BMP5: variants seen among roughly 807,000 people sequenced by gnomAD.
BMP5 encodes bone morphogenetic protein 5.
A neutral mutation model predicts 46.6 loss-of-function variants in BMP5; 23 were observed. The observed-to-expected ratio is 0.49, with a 90% CI of 0.35 to 0.70. The LOEUF (loss-of-function observed/expected upper bound fraction) is 0.70, where lower values mean the gene tolerates loss of function less well. Ranked by LOEUF, BMP5 falls within the 30% of genes least tolerant of loss-of-function variation. The pLI is 0.00. For synonymous variants in BMP5, 204 were observed against 191.9 expected, an observed-to-expected ratio of 1.06 and a Z score of -0.52; for missense variants, 545 against 565.6, an observed-to-expected ratio of 0.96 and a Z score of 0.37.
At chr6:55,773,937 T>C (rs188446589) in intron 4 of BMP5, 112 bp downstream of exon 4, 3 of 1,165,248 alleles carry the variant, frequency 2.6e-6, no homozygotes, top group Non-Finnish European at 3.9e-6. Flanking sequence ...CTGGAAGATT[T>C]AATGTACCAT....
intron 1 of BMP5, among the ~76,000 whole-genome samples, chr6:55,873,694 G>A (rs762276962): frequency 5.9e-5 from 9 of 151,802 alleles, no homozygotes; most frequent in Non-Finnish European, 4.4e-5. Context: ...GGAAAATTTT[G>A]TATAGATAAA....
intron 6 of BMP5, among the ~76,000 whole-genome samples, chr6:55,756,305 T>G (rs1774596394): frequency 6.6e-6 from 1 of 151,940 alleles, no homozygotes; most frequent in African/African-American, 2.4e-5. Context: ...TTTTTCTCCC[T>G]TGCCTGCCCC....
In BMP5 at chr6:55,796,548, G is replaced by A. The variant is rs1026516846; in HGVS notation, c.684-2121C>T. On this transcript the variant is annotated intron_variant, in intron 2 of 6. Transcript: ENST00000370830. Reference sequence around the variant, plus strand: ...AAGTTTTAGGGTCCATGTGCACAATGTGCAGGTTAGTTACATATGTATATA... The same window carrying A: ...AAGTTTTAGGGTCCATGTGCACAATATGCAGGTTAGTTACATATGTATATA... Among the ~76,000 whole-genome samples, 9 of 150,752 alleles carry A rather than the reference G, an allele frequency of 6.0e-5. 1 individual carries two copies. Among genetic ancestry groups the A allele is most frequent in the African/African-American group, 2.2e-4 (9 of 40,950 alleles).
intron 4 of BMP5, chr6:55,772,614 A>T: frequency 3.0e-6 from 1 of 327,874 alleles, no homozygotes; most frequent in Non-Finnish European, 4.4e-6. Context: ...CTTTCATATT[A>T]AGTAATTACA....
intron 4 of BMP5, among the ~76,000 whole-genome samples, chr6:55,765,354 G>A (rs936874693): frequency 6.6e-6 from 1 of 152,074 alleles, no homozygotes; most frequent in Admixed American, 6.5e-5. Context: ...GCTTCAATGA[G>A]CTAAATATGA....
intron 1 of BMP5, among the ~76,000 whole-genome samples, chr6:55,843,605 A>G (rs1777020009): frequency 1.3e-5 from 2 of 152,114 alleles, no homozygotes; most frequent in Non-Finnish European, 2.9e-5. Context: ...ATAGAAAAAA[A>G]GCAACTATAG....
At chr6:55,869,306 T>C (rs1332222014) in intron 1 of BMP5, among the ~76,000 whole-genome samples, 1 of 152,154 alleles carries the variant, frequency 6.6e-6, no homozygotes, top group Non-Finnish European at 1.5e-5. Flanking sequence ...TTTCCCAGCA[T>C]CTCCTCCACC....
chr6:55,856,506 T>A (rs1410526222), intron 1 of BMP5, among the ~76,000 whole-genome samples: 2 of 152,148 alleles, frequency 1.3e-5, no homozygotes, highest in African/African-American at 4.8e-5. Flanking sequence ...TTTATACGTG[T>A]TTTAGTTGGT....
At chr6:55,847,529 C>A (rs1212208341) in intron 1 of BMP5, among the ~76,000 whole-genome samples, 4 of 151,796 alleles carry the variant, frequency 2.6e-5, no homozygotes, top group Non-Finnish European at 4.4e-5. Context: ...TATTATTTAT[C>A]AAAACTGAAA....
chr6:55,759,144 C>CAAAA, intron 5 of BMP5, 29 bp from the exon 6 acceptor site: 9 of 85,084 alleles, frequency 1.1e-4, no homozygotes, highest in African/African-American at 2.7e-4. Flanking sequence ...CACACACACA[C>CAAAA]AAAAAAAAAA....
chr6:55,800,648 A>G (rs1042128411), intron 2 of BMP5, among the ~76,000 whole-genome samples: 1 of 151,650 alleles, frequency 6.6e-6, no homozygotes, highest in Non-Finnish European at 1.5e-5. Context: ...TTATAAGACA[A>G]AAAAAATTGA....
chr6:55,799,716 T>G (rs921323168), intron 2 of BMP5, among the ~76,000 whole-genome samples: 1 of 152,208 alleles, frequency 6.6e-6, no homozygotes, highest in South Asian at 2.1e-4. Flanking sequence ...ACAGCTCCCT[T>G]CTGAACCATC....
In BMP5 at chr6:55,759,140, C is replaced by T. The variant is rs757330989; in HGVS notation, c.1105-25G>A. 6 of 180,596 alleles carry T rather than the reference C, an allele frequency of 3.3e-5. No homozygotes were observed. The East Asian group carries it at 6.1e-4, about 18-fold the overall frequency. 11.2% of individuals were successfully genotyped at this position (180,596 alleles called of 1,614,324 possible). A position where few individuals can be genotyped will look rare whatever the true frequency, so the allele number is the denominator to read the frequency against. On this transcript the variant is annotated intron_variant, in intron 5 of 6. Transcript: ENST00000370830. ...CCTGACACATACACACACACACACACACACAAAAAAAAAAAAAAAAAAAAA... is the reference window on the plus strand; with the variant it reads ...CCTGACACATACACACACACACACATACACAAAAAAAAAAAAAAAAAAAAA...
chr6:55,870,226 T>G (rs1193342130), intron 1 of BMP5, among the ~76,000 whole-genome samples: 2 of 151,954 alleles, frequency 1.3e-5, no homozygotes, highest in Non-Finnish European at 2.9e-5. Context: ...AGCATTTAAT[T>G]AAACTATGAT....
intron 2 of BMP5, among the ~76,000 whole-genome samples, chr6:55,815,325 G>GT (rs371875232): frequency 5.3e-4 from 81 of 152,166 alleles, no homozygotes; most frequent in African/African-American, 1.9e-3. Context: ...AATAGCAGAT[G>GT]TTCAAAAATG....
chr6:55,785,676 A>T (rs555844295), intron 3 of BMP5, among the ~76,000 whole-genome samples: 1 of 151,764 alleles, frequency 6.6e-6, no homozygotes, highest in East Asian at 1.9e-4. Flanking sequence ...AAACATTCAC[A>T]TTAAAATGAC....
chr6:55,764,986 T>C (rs945741614), intron 4 of BMP5, among the ~76,000 whole-genome samples: 2 of 152,142 alleles, frequency 1.3e-5, no homozygotes, highest in Admixed American at 1.3e-4. Context: ...AAATGATAAA[T>C]ATTTGATGTG....
chr6:55,798,113 T>C (rs1775761315), intron 2 of BMP5, among the ~76,000 whole-genome samples: 1 of 152,156 alleles, frequency 6.6e-6, no homozygotes, highest in African/African-American at 2.4e-5. Context: ...CATCATCTTT[T>C]CTCCTATGCA....
At chr6:55,856,734 G>A (rs1345987234) in intron 1 of BMP5, among the ~76,000 whole-genome samples, 1 of 151,810 alleles carries the variant, frequency 6.6e-6, no homozygotes, top group African/African-American at 2.4e-5. Context: ...TGATTTAACT[G>A]TTCCATGGAA....
Sources: allele counts gnomAD v4.1 joint callset (sites outside exome capture counted in the v4.1 genomes callset), GRCh38; gene constraint gnomAD v4.1.1; transcripts MANE v1.5; gene names NCBI Gene and HGNC (gene_info 2026-07-23, HGNC 2026-07-21).